Variants in TRPM3 observed in about 807,000 individuals in gnomAD.
The protein encoded by TRPM3 is transient receptor potential cation channel subfamily M member 3, also known as long transient receptor potential channel 3.
TRPM3 carries 77 observed loss-of-function variants against 181.2 expected under a neutral mutation model. The observed-to-expected ratio is 0.42, with a 90% CI of 0.35 to 0.51. The LOEUF (loss-of-function observed/expected upper bound fraction) is 0.51. Among genes scored for constraint, TRPM3 ranks in the 20% least tolerant of loss-of-function variants. TRPM3 has a pLI of 0.01. For synonymous variants in TRPM3, 745 were observed against 796.4 expected (o/e 0.94, Z 1.09); for missense variants, 1,759 against 2,196.7 (o/e 0.80, Z 3.98).
chr9:71,347,577 G>T (rs1264809208), intron 1 of TRPM3, among the ~76,000 whole-genome samples: 2 of 151,744 alleles, frequency 1.3e-5, no homozygotes, highest in Non-Finnish European at 2.9e-5. Flanking sequence ...TTAATTTTTT[G>T]CTCCCCAGAC....
intron 7 of TRPM3, among the ~76,000 whole-genome samples, chr9:70,763,697 T>C (rs1270993271): frequency 6.6e-6 from 1 of 152,204 alleles, no homozygotes; most frequent in African/African-American, 2.4e-5. Context: ...CACACTAGGA[T>C]GTGCCAGGAA....
chr9:71,209,529 G>A (rs1470854982), intron 1 of TRPM3, among the ~76,000 whole-genome samples: 1 of 152,134 alleles, frequency 6.6e-6, no homozygotes, highest in Non-Finnish European at 1.5e-5. Flanking sequence ...TATTTTTTCT[G>A]TAACATCTGC....
chr9:70,589,104 C>T (rs1432610858), intron 22 of TRPM3, among the ~76,000 whole-genome samples: 1 of 152,244 alleles, frequency 6.6e-6, no homozygotes, highest in African/African-American at 2.4e-5. Context: ...TTTATTCTCA[C>T]ACACGTAGAG....
chr9:70,656,330 A>G (rs1001669391), intron 9 of TRPM3, among the ~76,000 whole-genome samples: 1 of 152,254 alleles, frequency 6.6e-6, no homozygotes, highest in African/African-American at 2.4e-5. Flanking sequence ...AATGGAAACA[A>G]CTACATCTTG....
Position 70,536,824 on chromosome 9 carries a change from T to C in TRPM3, c.4289A>G (p.Asp1430Gly). The change falls in exon 26 of 26, where the codon GAC becomes GGC. Residue 1430 changes from aspartate (D) to glycine (G), a missense_variant. Asp to Gly is a moderately conservative substitution (Grantham distance 94, BLOSUM62 -1). Transcript: ENST00000677713. ...CAGCCCAAGGATGTTCACGGAATTG[T>C]CCAGAGGGTCTATATCACAGTGGAG... ...DELHCDIDPL[D>G]NSVNILGLGE... The C allele has an allele frequency of 1.2e-6, 2 of 1,614,144 alleles. No homozygotes were observed. The highest frequency in any genetic ancestry group is 1.7e-6 in the Non-Finnish European group (2 of 1,180,024).
chr9:71,279,290 A>C (rs1208961026), intron 1 of TRPM3, among the ~76,000 whole-genome samples: 1 of 152,100 alleles, frequency 6.6e-6, no homozygotes, highest in Admixed American at 6.5e-5. Flanking sequence ...TGGGTAGAAA[A>C]TATACTATGA....
At chr9:71,361,363 T>A (rs1450065534) in intron 1 of TRPM3, among the ~76,000 whole-genome samples, 1 of 151,986 alleles carries the variant, frequency 6.6e-6, no homozygotes, top group Non-Finnish European at 1.5e-5. Flanking sequence ...TAAGAAAAAA[T>A]TAACTCCCAA....
intron 22 of TRPM3, among the ~76,000 whole-genome samples, chr9:70,573,080 T>A (rs1247033439): frequency 2.0e-5 from 3 of 152,154 alleles, no homozygotes; most frequent in Non-Finnish European, 4.4e-5. Flanking sequence ...TAAAGGAACA[T>A]AATTTATAAT....
intron 8 of TRPM3, among the ~76,000 whole-genome samples, chr9:70,686,319 A>G (rs1246566342): frequency 6.6e-6 from 1 of 152,212 alleles, no homozygotes. Flanking sequence ...CATTTGGATC[A>G]ATTTTCAATC....
chr9:71,112,582 G>C (rs186577687), intron 1 of TRPM3, among the ~76,000 whole-genome samples: 5 of 152,104 alleles, frequency 3.3e-5, no homozygotes, highest in Admixed American at 2.6e-4. Context: ...CAAAAACATA[G>C]TTACTCATTT....
intron 9 of TRPM3, among the ~76,000 whole-genome samples, chr9:70,667,643 A>C (rs1295671496): frequency 6.6e-6 from 1 of 152,168 alleles, no homozygotes; most frequent in African/African-American, 2.4e-5. Context: ...TAAAAAATAC[A>C]ATAAATCTTT....
intron 3 of TRPM3, among the ~76,000 whole-genome samples, chr9:70,861,870 C>A (rs1020267856): frequency 6.8e-5 from 8 of 118,492 alleles, no homozygotes; most frequent in African/African-American, 2.6e-4. Flanking sequence ...AATTATATTT[C>A]ATAGAAAAGA....
intron 1 of TRPM3, among the ~76,000 whole-genome samples, chr9:71,209,643 G>A (rs937870982): frequency 1.3e-5 from 2 of 152,162 alleles, no homozygotes; most frequent in African/African-American, 4.8e-5. Context: ...TGTGGCAGGC[G>A]CTGCAAACTA....
At chr9:70,935,338 T>C (rs184389136) in intron 1 of TRPM3, among the ~76,000 whole-genome samples, 114 of 152,296 alleles carry the variant, frequency 7.5e-4, no homozygotes, top group Non-Finnish European at 1.3e-3. Context: ...AATTCACTCT[T>C]GGAAGCATGT....
intron 1 of TRPM3, among the ~76,000 whole-genome samples, chr9:71,234,218 C>T (rs1184089938): frequency 6.6e-6 from 1 of 152,160 alleles, no homozygotes; most frequent in Non-Finnish European, 1.5e-5. Flanking sequence ...TACAACATGG[C>T]AGTTGGTTTC....
At chr9:71,045,872 T>C (rs2059373323) in intron 1 of TRPM3, among the ~76,000 whole-genome samples, 1 of 152,156 alleles carries the variant, frequency 6.6e-6, no homozygotes, top group South Asian at 2.1e-4. Context: ...CCAAATAATT[T>C]TGGAAAATTA....
At chr9:71,000,687 C>T (rs1026732787) in intron 1 of TRPM3, among the ~76,000 whole-genome samples, 3 of 152,174 alleles carry the variant, frequency 2.0e-5, no homozygotes, top group African/African-American at 7.2e-5. Context: ...TTACCCCTTA[C>T]TTCATTAACC....
intron 1 of TRPM3, among the ~76,000 whole-genome samples, chr9:71,396,703 T>A (rs945776122): frequency 3.3e-5 from 5 of 151,012 alleles, no homozygotes; most frequent in Admixed American, 6.6e-5. Context: ...GGCTCACACC[T>A]GTAAATCCCA....
intron 1 of TRPM3, among the ~76,000 whole-genome samples, chr9:71,293,250 A>G (rs140090841): frequency 6.8e-4 from 104 of 151,946 alleles, no homozygotes; most frequent in African/African-American, 2.4e-3. Flanking sequence ...GAAAATGCCC[A>G]CTATCACTTC....
Sources: allele counts gnomAD v4.1 joint callset (sites outside exome capture counted in the v4.1 genomes callset), GRCh38; gene constraint gnomAD v4.1.1; transcripts MANE v1.5; gene names NCBI Gene and HGNC (gene_info 2026-07-23, HGNC 2026-07-21).